The following NECTIN3 variants were observed in gnomAD, a reference collection of about 807,000 sequenced individuals.
NECTIN3 encodes the protein nectin cell adhesion molecule 3.
NECTIN3 carries 8 observed loss-of-function variants against 49.4 expected under a neutral mutation model. The ratio of observed to expected loss-of-function variants is 0.16; its 90% CI spans 0.10 to 0.29. The LOEUF (loss-of-function observed/expected upper bound fraction) is 0.29, where lower values mean the gene tolerates loss of function less well. Ranked by LOEUF, NECTIN3 falls within the 10% of genes least tolerant of loss-of-function variation. NECTIN3 has a pLI of 1.00. For missense variants in NECTIN3, 581 were observed against 654.6 expected, an observed-to-expected ratio of 0.89 and a Z score of 1.23; for synonymous variants, 277 against 241.1, an observed-to-expected ratio of 1.15 and a Z score of -1.38.
At chr3:111,188,494 C>A (rs1277679865), upstream of NECTIN3, among the ~76,000 whole-genome samples, 1 of 152,142 alleles carries the variant, frequency 6.6e-6, no homozygotes, top group African/African-American at 2.4e-5. Flanking sequence ...ACCATTTTTT[C>A]CTGTTCAGGT....
chr3:111,105,982 CTTTT>C (rs34682420), intron 1 of NECTIN3, among the ~76,000 whole-genome samples: 1 of 129,446 alleles, frequency 7.7e-6, no homozygotes, highest in African/African-American at 2.8e-5. Flanking sequence ...CTTACCAGTG[CTTTT>C]TTTTTTTTTT....
intron 7 of NECTIN3, among the ~76,000 whole-genome samples, chr3:111,186,535 C>G (rs1004367757): frequency 6.6e-6 from 1 of 152,106 alleles, no homozygotes; most frequent in African/African-American, 2.4e-5. Context: ...GGACCTCTTC[C>G]TTACACGTTA....
chr3:111,139,359 A>G (rs776885675), downstream of NECTIN3, among the ~76,000 whole-genome samples: 10 of 151,602 alleles, frequency 6.6e-5, no homozygotes, highest in Non-Finnish European at 1.5e-4. Flanking sequence ...TTTCCCTTGC[A>G]ATTTATTTCT....
At chr3:111,072,894 A>C in intron 1 of NECTIN3, 1 of 219,598 alleles carries the variant, frequency 4.6e-6, no homozygotes, top group Non-Finnish European at 9.1e-6. Flanking sequence ...TCTAACCAAA[A>C]CAGTCACGCG....
chr3:111,144,439 A>G (rs945507521), intron 5 of NECTIN3, among the ~76,000 whole-genome samples: 1 of 151,572 alleles, frequency 6.6e-6, no homozygotes, highest in Non-Finnish European at 1.5e-5. Flanking sequence ...TTGATCTGGG[A>G]TATTTTCTGT....
Position 111,147,057 on chromosome 3 carries a change from T to C in NECTIN3, c.1140-346T>C, listed in dbSNP as rs548400968. Among the ~76,000 whole-genome samples, 5 of 152,274 alleles carry C rather than the reference T, an allele frequency of 3.3e-5. 1 individual carries two copies. The South Asian group carries it at 1.0e-3, about 32-fold the overall frequency. ...TTTCTCATGACACTTTGGAGGAAAG[T>C]GTATTGAGACTCTAAAATGTTGATA... is the stretch of plus-strand genomic sequence containing the variant. On this transcript the variant is annotated intron_variant, in intron 6 of 8. Coordinates refer to the NECTIN3 transcript ENST00000493615.
chr3:111,189,527 G>A (rs910032688), upstream of NECTIN3, among the ~76,000 whole-genome samples: 2 of 152,160 alleles, frequency 1.3e-5, no homozygotes, highest in Non-Finnish European at 2.9e-5. Context: ...TTACAGAGAA[G>A]CTTCTGATTA....
intron 7 of NECTIN3, among the ~76,000 whole-genome samples, chr3:111,165,399 A>G (rs1293325883): frequency 6.6e-6 from 1 of 152,142 alleles, no homozygotes; most frequent in East Asian, 1.9e-4. Flanking sequence ...TGAACTGATG[A>G]AATTCTTCAG....
In NECTIN3 at chr3:111,136,920, T is replaced by G. The variant is rs1158558531; in HGVS notation, c.*2705T>G. 3.1e-6 allele frequency: 3 copies of G among 968,292 alleles called. No individual in the cohort carries two copies. The highest frequency in any genetic ancestry group is 3.7e-6 in the Non-Finnish European group (3 of 814,748). 60.0% of individuals were successfully genotyped at this position (968,292 alleles called of 1,614,324 possible). ...GTGATATTTGAGAAGTGCTTTAGAGTTGAAAGATTTAGTATTTTACCACGT... is the reference window on the plus strand; with the variant it reads ...GTGATATTTGAGAAGTGCTTTAGAGGTGAAAGATTTAGTATTTTACCACGT... On this transcript the variant is annotated 3_prime_UTR_variant, in exon 6 of 6. Coordinates refer to ENST00000485303, the MANE Select transcript of NECTIN3 (RefSeq NM_015480.3).
In NECTIN3 at chr3:111,134,067, T is replaced by C; in HGVS notation, c.1502T>C (p.Leu501Pro). Residue 501 changes from leucine (L) to proline (P), a missense_variant, in exon 6 of 6, where the codon CTC (leucine) becomes CCC (proline). By Grantham distance (98) the Leu-to-Pro change is moderately conservative. This residue lies in a region of NECTIN3 where 238 missense variants were observed against 244.9 expected (regional missense o/e 0.97). Transcript: ENST00000485303. ...EKTQWNNVEN[L>P]NRFERPMDYY... ...ACTCAGTGGAACAATGTAGAAAATC[T>C]CAATAGGTTTGAAAGACCAATGGAT... 7 of 1,613,588 alleles carry C rather than the reference T, an allele frequency of 4.3e-6. No homozygotes were observed. Among genetic ancestry groups the C allele is most frequent in the Non-Finnish European group, 5.9e-6 (7 of 1,179,672 alleles).
intron 1 of NECTIN3, chr3:111,077,317 A>G: frequency 5.2e-6 from 1 of 193,784 alleles, no homozygotes; most frequent in Non-Finnish European, 1.2e-5. Context: ...AGCCATGTGT[A>G]AAAAACTTTG....
chr3:111,100,661 G>C (rs1215753150), intron 1 of NECTIN3, among the ~76,000 whole-genome samples: 1 of 151,878 alleles, frequency 6.6e-6, no homozygotes, highest in Non-Finnish European at 1.5e-5. Flanking sequence ...ATTTTATTAG[G>C]ATTAAAACTC....
chr3:111,103,884 T>C (rs2033042380), intron 1 of NECTIN3, among the ~76,000 whole-genome samples: 1 of 152,200 alleles, frequency 6.6e-6, no homozygotes. Flanking sequence ...TGTATGGGTT[T>C]ACCACAATTT....
chr3:111,172,306 T>C (rs770842635), intron 7 of NECTIN3, among the ~76,000 whole-genome samples: 5 of 152,218 alleles, frequency 3.3e-5, no homozygotes, highest in Non-Finnish European at 5.9e-5. Context: ...TTCTGGGCAC[T>C]TGTCACTTTG....
intron 5 of NECTIN3, among the ~76,000 whole-genome samples, chr3:111,130,018 C>T (rs148163065): frequency 4.8e-5 from 7 of 147,002 alleles, no homozygotes; most frequent in Admixed American, 1.4e-4. Context: ...TGCAGTGGAG[C>T]GATCTTGGCT....
intron 7 of NECTIN3, among the ~76,000 whole-genome samples, chr3:111,167,763 C>A (rs1356391684): frequency 6.6e-6 from 1 of 152,066 alleles, no homozygotes; most frequent in Non-Finnish European, 1.5e-5. Context: ...CACATCTGCT[C>A]CAGGGTGAGC....
downstream of NECTIN3, among the ~76,000 whole-genome samples, chr3:111,140,585 C>G (rs146191521): frequency 6.6e-6 from 1 of 151,796 alleles, no homozygotes; most frequent in African/African-American, 2.4e-5. Context: ...GCACTGATAT[C>G]TCCACAGAGT....
At chr3:111,175,146 T>C (rs985210736) in intron 7 of NECTIN3, among the ~76,000 whole-genome samples, 1 of 151,812 alleles carries the variant, frequency 6.6e-6, no homozygotes, top group South Asian at 2.1e-4. Flanking sequence ...ATGTTGCTCC[T>C]CTTCTCTATT....
chr3:111,072,055 G>C lies in NECTIN3; in HGVS notation c.38G>C (p.Gly13Ala). Residue 13 changes from glycine to alanine, a missense_variant, in exon 1 of 6, where the codon GGA becomes GCA. Around this residue, in one of 3 missense-constraint regions of NECTIN3, gnomAD observed 109 missense variants for 69.1 expected, o/e 1.58. Transcript: ENST00000485303. ...CTGCGGCCGTCCCCGCTGTGTCCTG[G>C]AGGCGGCAAAGCACAACTTTCCTCC... ...RTLRPSPLCPGGGKAQLSSAS... is the reference protein window; with the variant it reads ...RTLRPSPLCPAGGKAQLSSAS... 1 of 1,547,782 alleles carries C rather than the reference G, an allele frequency of 6.5e-7. No homozygotes were observed. The highest frequency in any genetic ancestry group is 8.7e-7 in the Non-Finnish European group (1 of 1,145,588).
Sources: gnomAD v4.1 joint callset for allele counts (sites outside exome capture counted in the v4.1 genomes callset) on GRCh38, gnomAD v4.1.1 for gene constraint, gnomAD v4.1.1 regional missense constraint, MANE v1.5 for transcripts, NCBI Gene and HGNC (gene_info 2026-07-23, HGNC 2026-07-21) for gene names.